Variants in NR3C2 observed in about 807,000 individuals in gnomAD.
The protein encoded by NR3C2 is mineralocorticoid receptor.
A neutral mutation model predicts 86.4 loss-of-function variants in NR3C2; 15 were observed. The observed-to-expected ratio is 0.17, with a 90% CI of 0.12 to 0.27. NR3C2 has a LOEUF of 0.27. Among genes scored for constraint, NR3C2 ranks in the 10% least tolerant of loss-of-function variants. The probability of loss-of-function intolerance (pLI) is 1.00; values close to 1 mark genes in which losing one functional copy is unlikely to be tolerated. For synonymous variants in NR3C2, 458 were observed against 450.5 expected, an observed-to-expected ratio of 1.02 and a Z score of -0.21; for missense variants, 960 against 1,195.6, an observed-to-expected ratio of 0.80 and a Z score of 2.91.
intron 2 of NR3C2, among the ~76,000 whole-genome samples, chr4:148,382,931 C>T (rs1747073744): frequency 6.6e-6 from 1 of 152,186 alleles, no homozygotes. Context: ...CTGCCAGCAC[C>T]TCAATCCTTA....
intron 2 of NR3C2, among the ~76,000 whole-genome samples, chr4:148,363,272 C>T (rs533170371): frequency 1.1e-3 from 173 of 152,174 alleles, no homozygotes; most frequent in African/African-American, 3.9e-3. Context: ...GGGCTGTTGG[C>T]GTTGTCTGAA....
intron 3 of NR3C2, among the ~76,000 whole-genome samples, chr4:148,232,616 TTAGCCCCTGACAAG>T (rs1201862142): frequency 2.0e-5 from 3 of 152,150 alleles, no homozygotes; most frequent in Non-Finnish European, 4.4e-5. Context: ...ACCAGCTACA[TTAGCCCCTGACAAG>T]AGAGTCAGCC....
At chr4:148,094,496 C>T (rs1731191833) in intron 8 of NR3C2, among the ~76,000 whole-genome samples, 1 of 152,106 alleles carries the variant, frequency 6.6e-6, no homozygotes, top group Non-Finnish European at 1.5e-5. Flanking sequence ...GGTGGACCAC[C>T]TGAGATCAGG....
intron 2 of NR3C2, among the ~76,000 whole-genome samples, chr4:148,271,760 C>T (rs10026826): frequency 0.015 from 2,321 of 152,130 alleles, 50 homozygotes; most frequent in African/African-American, 0.052. Context: ...CTTATTAGAA[C>T]AGATATTAAA....
chr4:148,431,474 G>A (rs1389614555), intron 2 of NR3C2, among the ~76,000 whole-genome samples: 2 of 152,084 alleles, frequency 1.3e-5, no homozygotes, highest in African/African-American at 4.8e-5. Flanking sequence ...GGCTCAGAGC[G>A]GTTTTGTTGA....
At chr4:148,254,522 A>G (rs1025577200) in intron 3 of NR3C2, among the ~76,000 whole-genome samples, 5 of 152,158 alleles carry the variant, frequency 3.3e-5, no homozygotes, top group Non-Finnish European at 2.9e-5. Context: ...ATGTGTTCCC[A>G]TAACAACCAA....
chr4:148,154,457 C>T (rs529938999), intron 5 of NR3C2, 94 bp downstream of exon 5: 30 of 1,143,758 alleles, frequency 2.6e-5, no homozygotes, highest in East Asian at 9.4e-5. Context: ...TTTCATAGAA[C>T]GCAAACTCCT....
chr4:148,268,936 C>T (rs564101383), intron 2 of NR3C2, among the ~76,000 whole-genome samples: 57 of 151,828 alleles, frequency 3.8e-4, no homozygotes, highest in Admixed American at 1.3e-3. Flanking sequence ...GAATAAAGGC[C>T]TAGTGAACTG....
chr4:148,191,581 C>T (rs1451981216), intron 4 of NR3C2, among the ~76,000 whole-genome samples: 3 of 152,192 alleles, frequency 2.0e-5, no homozygotes, highest in Non-Finnish European at 4.4e-5. Flanking sequence ...ATATGCTTTC[C>T]AGGCTTTTAG....
intron 2 of NR3C2, among the ~76,000 whole-genome samples, chr4:148,383,769 G>T (rs1309201414): frequency 3.3e-5 from 5 of 151,992 alleles, no homozygotes; most frequent in African/African-American, 9.7e-5. Context: ...TCAACATGGT[G>T]AAACCCCGTC....
At chr4:148,411,681 A>C (rs1748711982) in intron 2 of NR3C2, among the ~76,000 whole-genome samples, 1 of 152,198 alleles carries the variant, frequency 6.6e-6, no homozygotes, top group Admixed American at 6.5e-5. Flanking sequence ...GTGTCGTCCT[A>C]CTCACATCAT....
At chr4:148,177,732 T>C (rs969148471) in intron 4 of NR3C2, among the ~76,000 whole-genome samples, 21 of 152,174 alleles carry the variant, frequency 1.4e-4, no homozygotes, top group African/African-American at 5.1e-4. Context: ...CTTTCTGAGA[T>C]GACTGAGTGT....
At chr4:148,368,457 G>A (rs1418486629) in intron 2 of NR3C2, 2 of 152,072 alleles carry the variant, frequency 1.3e-5, no homozygotes, top group African/African-American at 4.8e-5. Flanking sequence ...CCCTGTCTCT[G>A]CTATTGTTAT....
chr4:148,228,437 A>G (rs1738289728), intron 3 of NR3C2, among the ~76,000 whole-genome samples: 2 of 152,194 alleles, frequency 1.3e-5, no homozygotes, highest in Non-Finnish European at 2.9e-5. Context: ...AGGTTTGGGC[A>G]CTTAGGTTCC....
intron 4 of NR3C2, among the ~76,000 whole-genome samples, chr4:148,186,759 C>T (rs56152757): frequency 0.028 from 4,187 of 148,852 alleles, 196 homozygotes; most frequent in African/African-American, 0.095. Flanking sequence ...TTATCCCTTA[C>T]CCCCCTCCCA....
At chr4:148,201,420 G>A (rs28672384) in intron 3 of NR3C2, among the ~76,000 whole-genome samples, 3,872 of 152,176 alleles carry the variant, frequency 0.025, 165 homozygotes, top group African/African-American at 0.088. Flanking sequence ...TTTTAGTTTC[G>A]GTGTTTTTAT....
chr4:148,154,004 T>A (rs1163700591), intron 5 of NR3C2, among the ~76,000 whole-genome samples: 1 of 150,416 alleles, frequency 6.6e-6, no homozygotes, highest in Non-Finnish European at 1.5e-5. Context: ...ATTTTTTTTA[T>A]TTTTAATTTC....
chr4:148,284,579 T>G (rs1741422419), intron 2 of NR3C2, among the ~76,000 whole-genome samples: 1 of 152,174 alleles, frequency 6.6e-6, no homozygotes, highest in Non-Finnish European at 1.5e-5. Context: ...TAAAAACTCC[T>G]AATCATCCAT....
At chr4:148,409,456 C>T (rs1748584245) in intron 2 of NR3C2, among the ~76,000 whole-genome samples, 1 of 152,128 alleles carries the variant, frequency 6.6e-6, no homozygotes, top group Non-Finnish European at 1.5e-5. Context: ...AAGTCTTCAT[C>T]CACTAGACTT....
Sources: allele counts gnomAD v4.1 joint callset (sites outside exome capture counted in the v4.1 genomes callset), GRCh38; gene constraint gnomAD v4.1.1; transcripts MANE v1.5; gene names NCBI Gene and HGNC (gene_info 2026-07-23, HGNC 2026-07-21).